Variants in C17orf67 observed in about 807,000 individuals in gnomAD.
C17orf67 encodes the protein chromosome 17 open reading frame 67.
Under a neutral mutation model 11.2 loss-of-function variants are expected in C17orf67, and 12 were observed. The observed-to-expected ratio is 1.07, with a 90% CI of 0.68 to 1.73. The LOEUF (loss-of-function observed/expected upper bound fraction) is 1.73. C17orf67 is among the 40% of genes most tolerant of loss of function. The probability of loss-of-function intolerance (pLI) is 0.00; values close to 1 mark genes in which losing one functional copy is unlikely to be tolerated. For synonymous variants in C17orf67, 59 were observed against 46.9 expected (o/e 1.26, Z -1.05); for missense variants, 115 against 113.5 (o/e 1.01, Z -0.06).
intron 2 of C17orf67, among the ~76,000 whole-genome samples, chr17:56,829,532 G>A (rs1209000535): frequency 6.6e-6 from 1 of 152,122 alleles, no homozygotes; most frequent in African/African-American, 2.4e-5. Context: ...GGGTCTTAGG[G>A]CAGCGCTGTT....
Position 56,795,144 on chromosome 17 carries a change from C to T in C17orf67, c.193G>A (p.Ala65Thr), listed in dbSNP as rs750034041. The T allele has an allele frequency of 1.4e-5, 22 of 1,614,134 alleles. No individual in the cohort carries two copies. Among genetic ancestry groups the T allele is most frequent in the African/African-American group, 2.7e-5 (2 of 75,042 alleles). Residue 65 changes from alanine to threonine, a missense_variant, in exon 7 of 8, where the codon GCT (alanine) becomes ACT (threonine). Physicochemically the swap from Ala to Thr is moderately conservative, Grantham distance 58. Transcript: ENST00000397861. ...MHHLLALEHR[A>T]EEQFLEHWLN... Reference sequence around the variant, plus strand: ...CAGTGCTCCAGGAACTGCTCCTCAGCGCGATGCTCCAGGGCGAGCAGGTGG... The same window carrying T: ...CAGTGCTCCAGGAACTGCTCCTCAGTGCGATGCTCCAGGGCGAGCAGGTGG...
At chr17:56,827,128 A>G (rs1272124663) in intron 2 of C17orf67, among the ~76,000 whole-genome samples, 2 of 152,256 alleles carry the variant, frequency 1.3e-5, no homozygotes, top group African/African-American at 4.8e-5. Flanking sequence ...CAAAACTGCC[A>G]GTTTTCTGCA....
rs184962271 is a variant in C17orf67, at chr17:56,801,775, T to C, written c.157-6595A>G. On this transcript the variant is annotated intron_variant, in intron 6 of 7. Coordinates refer to ENST00000397861, the MANE Select transcript of C17orf67 (RefSeq NM_001085430.4). The stretch of plus-strand genomic sequence containing the variant: ...GAGTCTTTGGCCAGAAGAATAGTAA[T>C]TGGGAGGAACAGGAAGGCCGTGTGC... Among the ~76,000 whole-genome samples the C allele has an allele frequency of 1.4e-4, 21 of 152,258 alleles. 1 individual carries two copies. The East Asian group carries it at 3.7e-3, about 27-fold the overall frequency.
At chr17:56,803,839 G>T (rs1272309078) in intron 6 of C17orf67, 1 of 152,078 alleles carries the variant, frequency 6.6e-6, no homozygotes, top group African/African-American at 2.4e-5. Context: ...AATGAGCACT[G>T]GTTTCCATGA....
intron 7 of C17orf67, among the ~76,000 whole-genome samples, chr17:56,793,201 C>G (rs1447688368): frequency 6.6e-6 from 1 of 151,474 alleles, no homozygotes; most frequent in Non-Finnish European, 1.5e-5. Flanking sequence ...AAGGAAGGAG[C>G]CATTACTATC....
Position 56,833,824 on chromosome 17 carries a change from C to T in C17orf67, c.-1208G>A, listed in dbSNP as rs930465288. The T allele has an allele frequency of 2.0e-5, 3 of 151,692 alleles. No homozygotes were observed. Among genetic ancestry groups the T allele is most frequent in the African/African-American group, 4.9e-5 (2 of 41,220 alleles). The allele number at this position is 151,692 out of a possible 1,614,324, so 9.4% of individuals were successfully genotyped here. A position where few individuals can be genotyped will look rare whatever the true frequency, so the allele number is the denominator to read the frequency against. On this transcript the variant is annotated 5_prime_UTR_variant, in exon 1 of 8. Transcript: ENST00000397861. ...GGCGCGGTGCTGCGAGGAGGATCCT[C>T]GTGGCCTTGCCCCGCCGGCGGCTTT...
intron 6 of C17orf67, among the ~76,000 whole-genome samples, chr17:56,813,561 CTACAAAAAAAAAAAAAT>C (rs1394188610): frequency 4.1e-5 from 6 of 147,018 alleles, no homozygotes; most frequent in Non-Finnish European, 9.1e-5. Flanking sequence ...ACCTCTTATT[CTACAAAAAAAAAAAAAT>C]TAAAAGCCAC....
chr17:56,822,440 AT>A (rs1360058306), intron 4 of C17orf67, among the ~76,000 whole-genome samples: 10 of 152,180 alleles, frequency 6.6e-5, no homozygotes, highest in Non-Finnish European at 1.2e-4. Flanking sequence ...GCTGAGTGAC[AT>A]TGGGGAAATT....
chr17:56,811,551 G>A (rs529104737), intron 6 of C17orf67, among the ~76,000 whole-genome samples: 13 of 149,774 alleles, frequency 8.7e-5, no homozygotes, highest in South Asian at 2.1e-4. Flanking sequence ...GCTGGGGCTC[G>A]AGACTCTCTT....
intron 6 of C17orf67, among the ~76,000 whole-genome samples, chr17:56,809,809 CACAT>C (rs1376273522): frequency 7.0e-6 from 1 of 143,336 alleles, no homozygotes; most frequent in Non-Finnish European, 1.5e-5. Flanking sequence ...ACACCCCTTA[CACAT>C]ACACCCTCAC....
intron 4 of C17orf67, among the ~76,000 whole-genome samples, chr17:56,824,150 T>C (rs1905970646): frequency 6.6e-6 from 1 of 152,226 alleles, no homozygotes; most frequent in South Asian, 2.1e-4. Flanking sequence ...AGACTGTTAT[T>C]TGGGGAGTGA....
At chr17:56,818,003 C>G (rs574317521) in intron 4 of C17orf67, among the ~76,000 whole-genome samples, 37 of 151,822 alleles carry the variant, frequency 2.4e-4, no homozygotes, top group Admixed American at 1.6e-3. Context: ...GCCACCATGC[C>G]CAGCTAATTT....
chr17:56,804,128 G>A (rs1395872237), intron 6 of C17orf67: 1 of 152,168 alleles, frequency 6.6e-6, no homozygotes, highest in African/African-American at 2.4e-5. Flanking sequence ...CAGTATCTGT[G>A]TTCCATGTCA....
intron 2 of C17orf67, among the ~76,000 whole-genome samples, chr17:56,826,763 T>G (rs1030375700): frequency 6.6e-6 from 1 of 152,262 alleles, no homozygotes; most frequent in Non-Finnish European, 1.5e-5. Flanking sequence ...CTGACTTAGT[T>G]GACCAAGTTA....
chr17:56,827,982 G>A (rs1210955732), intron 2 of C17orf67, among the ~76,000 whole-genome samples: 5 of 152,016 alleles, frequency 3.3e-5, no homozygotes, highest in East Asian at 1.9e-4. Flanking sequence ...CAAGGCAGGC[G>A]GATCGCGAGA....
intron 6 of C17orf67, among the ~76,000 whole-genome samples, chr17:56,801,557 G>T (rs1467147915): frequency 6.6e-6 from 1 of 152,070 alleles, no homozygotes. Context: ...ATGCAGTTTG[G>T]ATTTGTTTTG....
chr17:56,802,323 C>T (rs1303671161), intron 6 of C17orf67, among the ~76,000 whole-genome samples: 1 of 152,194 alleles, frequency 6.6e-6, no homozygotes, highest in African/African-American at 2.4e-5. Context: ...GTCACAGCCA[C>T]ACCAAGCATA....
rs962826369 is a variant in C17orf67, at chr17:56,816,038, T to C, written c.-200-28A>G. 1.0e-5 allele frequency: 8 copies of C among 769,398 alleles called. No individual in the cohort carries two copies. In the African/African-American group the frequency reaches 1.2e-4, roughly 12 times the overall value. 47.7% of individuals were successfully genotyped at this position (769,398 alleles called of 1,614,324 possible). A position where few individuals can be genotyped will look rare whatever the true frequency, so the allele number is the denominator to read the frequency against. On this transcript the variant is annotated intron_variant, in intron 4 of 7. Transcript: ENST00000397861. ...GAGGAAGGAAATTGTTCCTCTGTAA[T>C]ATGACTTTCAGAGCTTGAATCTGAA...
intron 6 of C17orf67, among the ~76,000 whole-genome samples, chr17:56,795,492 G>T (rs1328274963): frequency 6.6e-6 from 1 of 152,138 alleles, no homozygotes; most frequent in African/African-American, 2.4e-5. Context: ...ATACCCTAGC[G>T]CAGTGGACGT....
Sources: allele counts gnomAD v4.1 joint callset (sites outside exome capture counted in the v4.1 genomes callset), GRCh38; gene constraint gnomAD v4.1.1; transcripts MANE v1.5; gene names NCBI Gene and HGNC (gene_info 2026-07-23, HGNC 2026-07-21).